The following RASIP1 variants were observed in gnomAD, a reference collection of about 807,000 sequenced individuals.
RASIP1 encodes the protein ras-interacting protein 1.
In RASIP1, 20 loss-of-function variants were observed where a neutral mutation model predicts 85.3. The ratio of observed to expected loss-of-function variants is 0.23; its 90% CI spans 0.17 to 0.34. The LOEUF (loss-of-function observed/expected upper bound fraction) is 0.34, where lower values mean the gene tolerates loss of function less well. Ranked by LOEUF, RASIP1 falls within the 10% of genes least tolerant of loss-of-function variation. The pLI is 1.00. For synonymous variants in RASIP1, 617 were observed against 647.1 expected (o/e 0.95, Z 0.71); for missense variants, 1,170 against 1,390.9 (o/e 0.84, Z 2.53).
chr19:48,725,616 A>C (rs534463879), intron 8 of RASIP1: 1 of 152,270 alleles, frequency 6.6e-6, no homozygotes, highest in Non-Finnish European at 1.5e-5. Flanking sequence ...AGGCCCTTCC[A>C]GGAAGGGCAC....
In RASIP1 at chr19:48,729,087, G is replaced by A; in HGVS notation, c.1683C>T (p.Arg561=). 4 of 1,376,492 alleles carry A rather than the reference G, an allele frequency of 2.9e-6. No individual in the cohort carries two copies. The highest frequency in any genetic ancestry group is 3.7e-6 in the Non-Finnish European group (4 of 1,073,832). The allele number at this position is 1,376,492 out of a possible 1,614,324, so 85.3% of individuals were successfully genotyped here. A position where few individuals can be genotyped will look rare whatever the true frequency, so the allele number is the denominator to read the frequency against. ...GGTCTCCCGAGCCGGCGGCTGCGGC[G>A]CGCACGATCTCGCCCAGCAGCGCCT... The part of the protein sequence containing the change: ...EEEALLGEIV[R]AAAAGSGDLP... Residue 561 remains arginine, a synonymous_variant, in exon 5 of 12, where the codon CGC becomes CGT. Transcript: ENST00000222145.
Position 48,738,188 on chromosome 19 carries a change from G to T in RASIP1, c.823+772C>A, listed in dbSNP as rs879897427. On this transcript the variant is annotated intron_variant, in intron 3 of 11. Coordinates refer to ENST00000222145, the MANE Select transcript of RASIP1 (RefSeq NM_017805.3). This position sits in a 1 kb window ranked among gnomAD's most constrained non-coding sequence, Gnocchi z 4.0. The stretch of plus-strand genomic sequence containing the variant: ...TCGAACTCCCAACCTCAGGTGATCC[G>T]CCCGCCTCAGCCTCTCAAAGTGCTG... Among the ~76,000 whole-genome samples the T allele has an allele frequency of 6.6e-6, 1 of 152,004 alleles. No individual in the cohort carries two copies. The highest frequency in any genetic ancestry group is 2.4e-5 in the African/African-American group (1 of 41,384).
chr19:48,738,073 T>A lies in RASIP1; in HGVS notation c.823+887A>T. On this transcript the variant is annotated intron_variant, in intron 3 of 11. Coordinates refer to ENST00000222145, the MANE Select transcript of RASIP1 (RefSeq NM_017805.3). This position sits in a 1 kb window ranked among gnomAD's most constrained non-coding sequence, Gnocchi z 4.0. Reference sequence around the variant, plus strand: ...TATTCTCATGTCTCGGCCTCCCGAGTAGCTGGGATTACAGGCATGCGTCAC... The same window carrying A: ...TATTCTCATGTCTCGGCCTCCCGAGAAGCTGGGATTACAGGCATGCGTCAC... 1 of 422,036 alleles carries A rather than the reference T, an allele frequency of 2.4e-6. No homozygotes were observed. Among genetic ancestry groups the A allele is most frequent in the Non-Finnish European group, 3.2e-6 (1 of 315,506 alleles). The allele number at this position is 422,036 out of a possible 1,614,324, so 26.1% of individuals were successfully genotyped here.
chr19:48,734,129 C>T (rs1405916860), intron 4 of RASIP1, among the ~76,000 whole-genome samples: 3 of 151,628 alleles, frequency 2.0e-5, no homozygotes, highest in Admixed American at 2.0e-4. Flanking sequence ...CTCATCTCTA[C>T]TAAAAATACA....
rs1439291055 is a variant in RASIP1, at chr19:48,735,313, G to A, written c.1062C>T (p.Ala354=). The change falls in exon 4 of 12, where the codon GCC becomes GCT. Residue 354 remains alanine (A), a synonymous_variant. Coordinates refer to ENST00000222145, the MANE Select transcript of RASIP1 (RefSeq NM_017805.3). Reference sequence around the variant, plus strand: ...GGTCTGCAGTTCCGATTTGGGCGTCGGCTGCCCCTGGGGCCATGCTAAGTG... The same window carrying A: ...GGTCTGCAGTTCCGATTTGGGCGTCAGCTGCCCCTGGGGCCATGCTAAGTG... ...QQALSMAPGA[A]DAQIGTADPG... 3.7e-6 allele frequency: 6 copies of A among 1,613,732 alleles called. No individual in the cohort carries two copies. The highest frequency in any genetic ancestry group is 5.1e-6 in the Non-Finnish European group (6 of 1,179,948).
rs376399366 is a variant in RASIP1, at chr19:48,721,975, G to A, written c.2571C>T (p.Asp857=). 7.9e-6 allele frequency: 12 copies of A among 1,517,536 alleles called. No individual in the cohort carries two copies. In the African/African-American group the frequency reaches 1.5e-4, roughly 20 times the overall value. The allele number at this position is 1,517,536 out of a possible 1,614,324, so 94.0% of individuals were successfully genotyped here. ...LKASWSSLRT[D]HPTLTPAQLH... ...GCTGGGCGGGGGTCAAGGTGGGGTG[G>A]TCGGTTCTTAGGCTGCTCCATGAAG... The change falls in exon 11 of 12, where the codon GAC becomes GAT. Residue 857 remains aspartate (D), a synonymous_variant. Transcript: ENST00000222145.
intron 3 of RASIP1, chr19:48,737,469 T>G (rs1028096647): frequency 6.1e-6 from 6 of 985,254 alleles, no homozygotes; most frequent in Middle Eastern, 5.2e-4. Flanking sequence ...TTCCAGGCCT[T>G]CCTTCGCCTC....
chr19:48,727,433 G>A lies in RASIP1; in HGVS notation c.1834-3C>T. The A allele has an allele frequency of 6.2e-7, 1 of 1,613,484 alleles. No individual in the cohort carries two copies. Among genetic ancestry groups the A allele is most frequent in the Non-Finnish European group, 8.5e-7 (1 of 1,179,482 alleles). The stretch of plus-strand genomic sequence containing the variant: ...TCTCCAATTTCCTTAATCTTTTCCT[G>A]TGGAACAGTAAGATCAGAATCAAGG... On this transcript the variant is annotated splice_polypyrimidine_tract_variant and splice_region_variant and intron_variant, in intron 5 of 11. Transcript: ENST00000222145.
Position 48,720,653 on chromosome 19 carries a change from A to G in RASIP1, c.*145T>C, listed in dbSNP as rs1356390609. 7.9e-6 allele frequency: 7 copies of G among 881,492 alleles called. No individual in the cohort carries two copies. Among genetic ancestry groups the G allele is most frequent in the African/African-American group, 3.3e-5 (2 of 59,890 alleles). 54.6% of individuals were successfully genotyped at this position (881,492 alleles called of 1,614,324 possible). A position where few individuals can be genotyped will look rare whatever the true frequency, so the allele number is the denominator to read the frequency against. On this transcript the variant is annotated 3_prime_UTR_variant, in exon 12 of 12. Transcript: ENST00000222145. ...CCTAAGCCCATGCTCCCACCGTCCC[A>G]TCCGCTACTTCCCGAAAACTCAATC...
chr19:48,721,782 G>A, intron 11 of RASIP1, 72 bp downstream of exon 11: 2 of 1,498,912 alleles, frequency 1.3e-6, no homozygotes, highest in South Asian at 2.6e-5. Flanking sequence ...CAGCCTGAGT[G>A]ACAGGGCGAG....
Position 48,729,540 on chromosome 19 carries a change from A to G in RASIP1, c.1230T>C (p.Gly410=), listed in dbSNP as rs576351516. Residue 410 remains glycine, a synonymous_variant, in exon 5 of 12, where the codon GGT becomes GGC. Transcript: ENST00000222145. The part of the protein sequence containing the change: ...MTREQHVFGR[G]GNSSGRGGSP... Reference sequence around the variant, plus strand: ...ACCCCCCGCGGCCAGACGAGTTCCCACCTCGCCCAAACACGTGCTGCTCTC... The same window carrying G: ...ACCCCCCGCGGCCAGACGAGTTCCCGCCTCGCCCAAACACGTGCTGCTCTC... The G allele has an allele frequency of 1.0e-5, 16 of 1,602,066 alleles. No individual in the cohort carries two copies. Among genetic ancestry groups the G allele is most frequent in the Non-Finnish European group, 1.4e-5 (16 of 1,174,866 alleles).
chr19:48,737,429 C>CAGCT, intron 3 of RASIP1: 1 of 984,182 alleles, frequency 1.0e-6, no homozygotes, highest in Non-Finnish European at 1.2e-6. Context: ...GGTCCACCAC[C>CAGCT]AGCTGTTTGA....
chr19:48,733,819 TGTG>T (rs900369398), intron 4 of RASIP1, among the ~76,000 whole-genome samples: 1 of 129,440 alleles, frequency 7.7e-6, no homozygotes, highest in Non-Finnish European at 1.7e-5. Context: ...AAAAAAAAAG[TGTG>T]GGGGGGAGGG....
At chr19:48,725,366 G>A (rs2033324369) in intron 8 of RASIP1, 1 of 176,872 alleles carries the variant, frequency 5.7e-6, no homozygotes, top group Admixed American at 5.6e-5. Context: ...GACAGGAAAT[G>A]AGGTCAGAAA....
chr19:48,737,411 C>G, intron 3 of RASIP1: 1 of 974,194 alleles, frequency 1.0e-6, no homozygotes, highest in Non-Finnish European at 1.2e-6. Flanking sequence ...CCCACCCCTG[C>G]CAGGCGCGGT....
chr19:48,721,442 C>T (rs1052620695), intron 11 of RASIP1, among the ~76,000 whole-genome samples: 103 of 151,992 alleles, frequency 6.8e-4, no homozygotes, highest in African/African-American at 2.3e-3. Flanking sequence ...CACTTATGTC[C>T]TGGTGGGGAG....
rs769821242 is a variant in RASIP1 at position 48,720,765 on chromosome 19, T to G, written c.*33A>C. The G allele has an allele frequency of 6.2e-7, 1 of 1,607,344 alleles. No homozygotes were observed. Among genetic ancestry groups the G allele is most frequent in the African/African-American group, 1.3e-5 (1 of 74,846 alleles). ...TCCTGTCCGTAGAAGCCCGTGACAT[T>G]TCAAGGTTCGCGCGCTCGTTTGGTA... On this transcript the variant is annotated 3_prime_UTR_variant, in exon 12 of 12. Coordinates refer to ENST00000222145, the MANE Select transcript of RASIP1 (RefSeq NM_017805.3).
At position 48,720,783 on chromosome 19, in the gene RASIP1, G is replaced by C; in HGVS notation, c.*15C>G. 1 of 1,613,218 alleles carries C rather than the reference G, an allele frequency of 6.2e-7. No homozygotes were observed. Among genetic ancestry groups the C allele is most frequent in the East Asian group, 2.2e-5 (1 of 44,880 alleles). On this transcript the variant is annotated 3_prime_UTR_variant, in exon 12 of 12. Transcript: ENST00000222145. ...GTGACATTTCAAGGTTCGCGCGCTC[G>C]TTTGGTATTGGTTCTCAAGGAGACG...
At chr19:48,725,972 C>T (rs866944444) in intron 8 of RASIP1, among the ~76,000 whole-genome samples, 23 of 152,146 alleles carry the variant, frequency 1.5e-4, no homozygotes, top group Middle Eastern at 3.4e-3. Context: ...TCTCTGTCGC[C>T]CTGGAGTGCA....
Sources: gnomAD v4.1 joint callset for allele counts (sites outside exome capture counted in the v4.1 genomes callset) on GRCh38, gnomAD v4.1.1 for gene constraint, Gnocchi (gnomAD v3.1) non-coding constraint, MANE v1.5 for transcripts, NCBI Gene and HGNC (gene_info 2026-07-23, HGNC 2026-07-21) for gene names.